DIMT1: variants seen among roughly 807,000 people sequenced by gnomAD.
The protein encoded by DIMT1 is DIM1 rRNA methyltransferase and ribosome maturation factor.
A neutral mutation model predicts 43.2 loss-of-function variants in DIMT1; 36 were observed. The observed-to-expected ratio is 0.83, with a 90% CI of 0.64 to 1.10. The LOEUF is 1.10. Ranked by LOEUF, DIMT1 falls within the 50% of genes least tolerant of loss-of-function variation. DIMT1 has a pLI of 0.00. For synonymous variants in DIMT1, 126 were observed against 130.3 expected (o/e 0.97, Z 0.22); for missense variants, 341 against 385.3 (o/e 0.88, Z 0.96).
At chr5:62,396,704 T>C (rs919179932) in intron 6 of DIMT1, among the ~76,000 whole-genome samples, 1 of 152,134 alleles carries the variant, frequency 6.6e-6, no homozygotes, top group Non-Finnish European at 1.5e-5. Context: ...AACACTCTTG[T>C]AATAAGCAGA....
chr5:62,400,947 C>T (rs1481378313), intron 3 of DIMT1, among the ~76,000 whole-genome samples: 1 of 151,602 alleles, frequency 6.6e-6, no homozygotes, highest in Non-Finnish European at 1.5e-5. Flanking sequence ...GATGGGGTTT[C>T]ACCATGTTGC....
In DIMT1 at chr5:62,398,702, C is replaced by T; in HGVS notation, c.340G>A (p.Val114Met). 1 of 1,614,196 alleles carries T rather than the reference C, an allele frequency of 6.2e-7. No individual in the cohort carries two copies. Among genetic ancestry groups the T allele is most frequent in the Non-Finnish European group, 8.5e-7 (1 of 1,180,032 alleles). Reference protein sequence around the residue: ...ASKLQVLVGDVLKTDLPFFDT... With the variant: ...ASKLQVLVGDMLKTDLPFFDT... ...AAGAATGGCAAATCTGTTTTCAGCA[C>T]ATCACCCACCAGTACTTGAAGTTTG... Residue 114 changes from valine to methionine, a missense_variant, in exon 5 of 12, where the codon GTG becomes ATG. Physicochemically the swap from Val to Met is conservative, Grantham distance 21. Transcript: ENST00000199320.
chr5:62,396,104 C>T (rs1035467334), intron 6 of DIMT1, among the ~76,000 whole-genome samples: 1 of 138,564 alleles, frequency 7.2e-6, no homozygotes, highest in East Asian at 2.3e-4. Flanking sequence ...ATCAAAAAAA[C>T]TGAGGCTCTG....
chr5:62,402,546 C>T (rs1742744352), intron 2 of DIMT1, among the ~76,000 whole-genome samples: 1 of 152,198 alleles, frequency 6.6e-6, no homozygotes, highest in Non-Finnish European at 1.5e-5. Flanking sequence ...AAACTGTACA[C>T]AAAATTGAAT....
chr5:62,391,260 A>T, intron 10 of DIMT1: 1 of 306,420 alleles, frequency 3.3e-6, no homozygotes, highest in South Asian at 7.1e-5. Flanking sequence ...AGACTTCACA[A>T]ATAATTACAA....
At chr5:62,396,172 A>C (rs550731277) in intron 6 of DIMT1, among the ~76,000 whole-genome samples, 4 of 89,176 alleles carry the variant, frequency 4.5e-5, no homozygotes, top group East Asian at 6.9e-4. Flanking sequence ...CTGAAGAAAA[A>C]AGAGTGCCCT....
chr5:62,392,798 A>G, intron 9 of DIMT1, 128 bp downstream of exon 9: 1 of 533,360 alleles, frequency 1.9e-6, no homozygotes, highest in Non-Finnish European at 3.3e-6. Context: ...AAGATAGTTT[A>G]AAAGGTGAAG....
intron 2 of DIMT1, 82 bp from the exon 3 acceptor site, chr5:62,402,204 T>C: frequency 2.2e-6 from 3 of 1,371,050 alleles, no homozygotes; most frequent in Non-Finnish European, 3.1e-6. Context: ...TCTTTACTCA[T>C]ATGTGCTCCG....
intron 11 of DIMT1, among the ~76,000 whole-genome samples, chr5:62,389,705 T>G (rs1173358923): frequency 6.6e-6 from 1 of 152,100 alleles, no homozygotes; most frequent in Non-Finnish European, 1.5e-5. Context: ...AGAAGTCAGA[T>G]GAAAAACCAA....
intron 11 of DIMT1, among the ~76,000 whole-genome samples, chr5:62,389,485 CAAA>C (rs775533413): frequency 7.9e-5 from 6 of 75,904 alleles, no homozygotes; most frequent in Admixed American, 3.1e-4. Flanking sequence ...GACTCTGTCT[CAAA>C]AAAAAAAAAA....
chr5:62,391,094 AT>A, intron 10 of DIMT1, 112 bp from the exon 11 acceptor site: 1 of 789,490 alleles, frequency 1.3e-6, no homozygotes, highest in Non-Finnish European at 2.0e-6. Flanking sequence ...ATATCTGTTA[AT>A]GAGACTTTGG....
chr5:62,397,773 C>T (rs977050738), intron 6 of DIMT1, among the ~76,000 whole-genome samples: 7 of 151,974 alleles, frequency 4.6e-5, no homozygotes, highest in East Asian at 1.9e-4. Flanking sequence ...CTCAGCCTCC[C>T]GAGTGGCTGG....
chr5:62,394,080 C>G (rs752081976), intron 7 of DIMT1, 33 bp from the exon 8 acceptor site: 1 of 1,598,408 alleles, frequency 6.3e-7, no homozygotes, highest in South Asian at 1.1e-5. Context: ...GTAGTACTCA[C>G]AAAGGCAACT....
chr5:62,395,807 CA>C (rs1390734799), intron 6 of DIMT1, among the ~76,000 whole-genome samples: 6 of 151,766 alleles, frequency 4.0e-5, no homozygotes, highest in African/African-American at 1.5e-4. Flanking sequence ...AGTTCAAGAC[CA>C]GCCTGGGCTG....
intron 10 of DIMT1, chr5:62,391,927 C>T: frequency 6.5e-7 from 1 of 1,535,160 alleles, no homozygotes; most frequent in Non-Finnish European, 8.7e-7. Flanking sequence ...TGGCTAAAAA[C>T]AACTGTCAGT....
At position 62,388,758 on chromosome 5, in the gene DIMT1, C is replaced by T. The variant is rs962080697; in HGVS notation, c.*252G>A. The T allele has an allele frequency of 1.6e-5, 8 of 494,110 alleles. No individual in the cohort carries two copies. The highest frequency in any genetic ancestry group is 1.5e-5 in the Non-Finnish European group (4 of 275,792). The allele number at this position is 494,110 out of a possible 1,614,324, so 30.6% of individuals were successfully genotyped here. A position where few individuals can be genotyped will look rare whatever the true frequency, so the allele number is the denominator to read the frequency against. ...TAGAAATGATAAGTGTAAAGTTGTG[C>T]GTCTCTGCGGCTCCTGAACTTGAAG... is the stretch of plus-strand genomic sequence containing the variant. On this transcript the variant is annotated 3_prime_UTR_variant, in exon 12 of 12. Coordinates refer to ENST00000199320, the MANE Select transcript of DIMT1 (RefSeq NM_014473.4).
At chr5:62,395,568 T>C (rs1043712194) in intron 6 of DIMT1, among the ~76,000 whole-genome samples, 1 of 151,140 alleles carries the variant, frequency 6.6e-6, no homozygotes, top group Non-Finnish European at 1.5e-5. Flanking sequence ...CCCTGTGATA[T>C]ATTCTATTCC....
intron 6 of DIMT1, among the ~76,000 whole-genome samples, chr5:62,394,933 G>A (rs1271180777): frequency 6.6e-6 from 1 of 152,088 alleles, no homozygotes; most frequent in East Asian, 1.9e-4. Context: ...ATATATTTAT[G>A]GGGTAGCAAA....
chr5:62,393,830 C>A, intron 8 of DIMT1, 125 bp downstream of exon 8: 1 of 796,878 alleles, frequency 1.3e-6, no homozygotes. Flanking sequence ...GGGATGTGTC[C>A]TAATTAACAT....
Sources: allele counts gnomAD v4.1 joint callset (sites outside exome capture counted in the v4.1 genomes callset), GRCh38; gene constraint gnomAD v4.1.1; transcripts MANE v1.5; gene names NCBI Gene and HGNC (gene_info 2026-07-23, HGNC 2026-07-21).